Variants in MAF observed in about 807,000 individuals in gnomAD.
MAF encodes the protein MAF bZIP transcription factor.
A neutral mutation model predicts 22.0 loss-of-function variants in MAF; 10 were observed. The ratio of observed to expected loss-of-function variants is 0.45; its 90% CI spans 0.28 to 0.77. MAF has a LOEUF of 0.77. MAF is among the 30% of genes least tolerant of loss of function. MAF has a pLI of 0.12. For synonymous variants in MAF, 337 were observed against 255.8 expected, an observed-to-expected ratio of 1.32 and a Z score of -3.03; for missense variants, 544 against 548.4, an observed-to-expected ratio of 0.99 and a Z score of 0.08.
the MAF span, among the ~76,000 whole-genome samples, chr16:79,307,243 C>G: frequency 9.8e-5 from 15 of 152,326 alleles, no homozygotes; most frequent in African/African-American, 3.4e-4. Flanking sequence ...CAGGGCCTGC[C>G]TATCATAAGC....
intron 1 of MAF, chr16:79,586,062 A>T: frequency 1.8e-6 from 1 of 544,210 alleles, no homozygotes; most frequent in Non-Finnish European, 3.2e-6. Context: ...ACACCAAAAG[A>T]AGAGTGATTT....
chr16:79,308,379 C>T, the MAF span, among the ~76,000 whole-genome samples: 1 of 152,128 alleles, frequency 6.6e-6, no homozygotes, highest in Non-Finnish European at 1.5e-5. Flanking sequence ...GGAGTTTGGC[C>T]TCTGGGAGGC....
the MAF span, among the ~76,000 whole-genome samples, chr16:79,464,069 G>C: frequency 6.6e-6 from 1 of 152,166 alleles, no homozygotes; most frequent in African/African-American, 2.4e-5. Flanking sequence ...AACTCGAACA[G>C]ATGACAGTAA....
chr16:79,263,261 C>A, the MAF span, among the ~76,000 whole-genome samples: 1 of 152,160 alleles, frequency 6.6e-6, no homozygotes, highest in East Asian at 1.9e-4. Flanking sequence ...AACTTTCTCA[C>A]GTTAGTCTTC....
At chr16:79,211,932 G>C in the MAF span, 3 of 1,538,672 alleles carry the variant, frequency 1.9e-6, no homozygotes, top group Non-Finnish European at 2.6e-6. Flanking sequence ...AGTCACAACA[G>C]AGTGAAAAAT....
the MAF span, among the ~76,000 whole-genome samples, chr16:79,504,252 G>C: frequency 6.6e-6 from 1 of 152,170 alleles, no homozygotes; most frequent in Admixed American, 6.5e-5. Flanking sequence ...CCTAATAGGA[G>C]TCATCCAGTT....
At chr16:79,407,421 T>C in the MAF span, among the ~76,000 whole-genome samples, 28,534 of 152,128 alleles carry the variant, frequency 0.19, 2,771 homozygotes, top group South Asian at 0.31. Context: ...TAAAAACTGC[T>C]CTTTGTTCTG....
At chr16:79,293,281 G>C in the MAF span, among the ~76,000 whole-genome samples, 1 of 152,042 alleles carries the variant, frequency 6.6e-6, no homozygotes, top group Non-Finnish European at 1.5e-5. Context: ...CCAAACAATA[G>C]GGGTGCCCAA....
chr16:79,431,001 A>G, the MAF span, among the ~76,000 whole-genome samples: 1 of 152,198 alleles, frequency 6.6e-6, no homozygotes, highest in Non-Finnish European at 1.5e-5. Flanking sequence ...TCTGGACAAC[A>G]TGGCTGAAAT....
intron 1 of MAF, chr16:79,596,360 T>G: frequency 9.4e-7 from 1 of 1,059,140 alleles, no homozygotes; most frequent in East Asian, 5.2e-5. Context: ...AATTTCACCC[T>G]GAATTACTGT....
At chr16:79,263,645 TA>T in the MAF span, among the ~76,000 whole-genome samples, 2 of 152,236 alleles carry the variant, frequency 1.3e-5, no homozygotes, top group African/African-American at 4.8e-5. Flanking sequence ...TTTGAAACCA[TA>T]GGGTTTTTAA....
the MAF span, chr16:79,211,811 G>T: frequency 2.6e-5 from 42 of 1,613,778 alleles, no homozygotes; most frequent in Admixed American, 5.0e-5. Flanking sequence ...AGCTCAGAGC[G>T]GATGGGCACA....
chr16:79,253,750 C>G, the MAF span, among the ~76,000 whole-genome samples: 1 of 152,318 alleles, frequency 6.6e-6, no homozygotes, highest in South Asian at 2.1e-4. Context: ...GCCTGATCGT[C>G]TCTAGCTCCT....
the MAF span, among the ~76,000 whole-genome samples, chr16:79,579,270 C>T: frequency 6.6e-6 from 1 of 152,114 alleles, no homozygotes; most frequent in African/African-American, 2.4e-5. Context: ...AGAAAATGTG[C>T]TTATATCCCA....
the MAF span, among the ~76,000 whole-genome samples, chr16:79,302,965 T>A: frequency 6.6e-6 from 1 of 152,262 alleles, no homozygotes; most frequent in African/African-American, 2.4e-5. Context: ...AACAAAAGCC[T>A]AATGACCCAT....
At chr16:79,417,869 C>G in the MAF span, among the ~76,000 whole-genome samples, 4 of 152,084 alleles carry the variant, frequency 2.6e-5, no homozygotes, top group African/African-American at 9.7e-5. Context: ...TTACTTTCCA[C>G]GATAACGCAT....
intron 1 of MAF, chr16:79,598,154 A>G: frequency 1.5e-5 from 16 of 1,050,736 alleles, no homozygotes; most frequent in Non-Finnish European, 1.7e-5. Flanking sequence ...GGAGAAGAAA[A>G]AAAAACTTTG....
the MAF span, among the ~76,000 whole-genome samples, chr16:79,492,697 A>G: frequency 4.6e-5 from 7 of 152,366 alleles, no homozygotes. Context: ...GCAAGAAAAA[A>G]AAAACAACTA....
At chr16:79,579,297 C>G in the MAF span, among the ~76,000 whole-genome samples, 4 of 152,156 alleles carry the variant, frequency 2.6e-5, no homozygotes, top group Non-Finnish European at 5.9e-5. Context: ...TATCCTTGTA[C>G]TTGGATGTTA....
Sources: gnomAD v4.1 joint callset for allele counts (sites outside exome capture counted in the v4.1 genomes callset) on GRCh38, gnomAD v4.1.1 for gene constraint, MANE v1.5 for transcripts, NCBI Gene and HGNC (gene_info 2026-07-23, HGNC 2026-07-21) for gene names.